The following RTF1 variants were observed in gnomAD, a reference collection of about 807,000 sequenced individuals.
The protein encoded by RTF1 is RTF1 homolog, Paf1/RNA polymerase II complex component, also known as RNA polymerase-associated protein RTF1 homolog.
RTF1 carries 10 observed loss-of-function variants against 95.7 expected under a neutral mutation model. The observed-to-expected ratio is 0.10, with a 90% CI of 0.06 to 0.18. The LOEUF (loss-of-function observed/expected upper bound fraction) is 0.18. Among genes scored for constraint, RTF1 ranks in the 10% least tolerant of loss-of-function variants. RTF1 has a pLI of 1.00. For synonymous variants in RTF1, 305 were observed against 311.8 expected, an observed-to-expected ratio of 0.98 and a Z score of 0.23; for missense variants, 458 against 875.6, an observed-to-expected ratio of 0.52 and a Z score of 6.02.
intron 3 of RTF1, among the ~76,000 whole-genome samples, chr15:41,453,572 T>A (rs762049522): frequency 2.6e-5 from 4 of 151,784 alleles, no homozygotes; most frequent in African/African-American, 9.7e-5. Flanking sequence ...CAAAAAAATT[T>A]AAAAATTAGC....
chr15:41,431,120 G>A (rs967328398), intron 1 of RTF1, among the ~76,000 whole-genome samples: 2 of 151,128 alleles, frequency 1.3e-5, no homozygotes, highest in East Asian at 1.9e-4. Context: ...TGGCCAGGCT[G>A]GTCTTGAACT....
intron 1 of RTF1, among the ~76,000 whole-genome samples, chr15:41,423,379 C>T (rs1400376789): frequency 1.3e-5 from 2 of 151,140 alleles, no homozygotes; most frequent in South Asian, 2.1e-4. Context: ...CCTCCCCACC[C>T]AGCCCCCACC....
chr15:41,419,768 C>G (rs936677059), intron 1 of RTF1, among the ~76,000 whole-genome samples: 1 of 152,156 alleles, frequency 6.6e-6, no homozygotes, highest in Non-Finnish European at 1.5e-5. Context: ...GATATTTCAC[C>G]TGATCCACAA....
intron 14 of RTF1, 28 bp from the exon 15 acceptor site, chr15:41,478,520 G>A: frequency 4.4e-6 from 7 of 1,597,112 alleles, no homozygotes; most frequent in Non-Finnish European, 6.0e-6. Flanking sequence ...TGGAGGTGCA[G>A]TTCTGTGGTG....
chr15:41,447,633 T>C (rs900370403), intron 2 of RTF1, among the ~76,000 whole-genome samples: 2 of 152,346 alleles, frequency 1.3e-5, no homozygotes, highest in East Asian at 3.9e-4. Context: ...TCTGTGGGGT[T>C]GCATACATGT....
rs1488468001 is a variant in RTF1 at position 41,453,031 on chromosome 15, G to C, written c.440G>C (p.Ser147Thr). 2.5e-6 allele frequency: 4 copies of C among 1,599,260 alleles called. No individual in the cohort carries two copies. Among genetic ancestry groups the C allele is most frequent in the Non-Finnish European group, 3.4e-6 (4 of 1,176,030 alleles). ...GSSDKDSSAE[S>T]SAPEEGEVSD... The stretch of plus-strand genomic sequence containing the variant: ...TCAGACAAAGACAGTTCAGCTGAGA[G>C]CTCAGCCCCTGAGGAAGGTGAGCTG... The change falls in exon 3 of 18, where the codon AGC becomes ACC. Residue 147 changes from serine to threonine, a missense_variant. Ser to Thr is a moderately conservative substitution (Grantham distance 58, BLOSUM62 1). Around this residue, in one of 11 missense-constraint regions of RTF1, gnomAD observed 39 missense variants for 38.4 expected, o/e 1.02. Coordinates refer to ENST00000389629, the MANE Select transcript of RTF1 (RefSeq NM_015138.5).
chr15:41,481,667 C>G lies in RTF1; in HGVS notation c.*980C>G, dbSNP rs748711626. 1 of 152,598 alleles carries G rather than the reference C, an allele frequency of 6.6e-6. No individual in the cohort carries two copies. Among genetic ancestry groups the G allele is most frequent in the Admixed American group, 6.5e-5 (1 of 15,292 alleles). The allele number at this position is 152,598 out of a possible 1,614,324, so 9.5% of individuals were successfully genotyped here. A position where few individuals can be genotyped will look rare whatever the true frequency, so the allele number is the denominator to read the frequency against. On this transcript the variant is annotated 3_prime_UTR_variant, in exon 18 of 18. Coordinates refer to ENST00000389629, the MANE Select transcript of RTF1 (RefSeq NM_015138.5). The stretch of plus-strand genomic sequence containing the variant: ...AGCTTCTTGGCTGAACGTAGAACTT[C>G]TTTTTCTCACCCAGTATACCAGCCT...
intron 11 of RTF1, 86 bp from the exon 12 acceptor site, chr15:41,476,360 T>C (rs2050941867): frequency 9.9e-7 from 1 of 1,013,180 alleles, no homozygotes; most frequent in Non-Finnish European, 1.6e-6. Flanking sequence ...TGTAACTAGC[T>C]GTTTGCATCC....
At chr15:41,450,234 T>A (rs1227096813) in intron 2 of RTF1, among the ~76,000 whole-genome samples, 1 of 151,904 alleles carries the variant, frequency 6.6e-6, no homozygotes, top group African/African-American at 2.4e-5. Context: ...ACAAAGTAAA[T>A]ATACAAGTAG....
In RTF1 at chr15:41,483,103, C is replaced by G. The variant is rs1244912605; in HGVS notation, c.*2416C>G. Reference sequence around the variant, plus strand: ...GAAGACCGAAGGGTATCTTTCCACCCGAGTAGCCTCTGTAGTGATTGGGAC... The same window carrying G: ...GAAGACCGAAGGGTATCTTTCCACCGGAGTAGCCTCTGTAGTGATTGGGAC... On this transcript the variant is annotated 3_prime_UTR_variant, in exon 18 of 18. Coordinates refer to ENST00000389629, the MANE Select transcript of RTF1 (RefSeq NM_015138.5). 6.6e-6 allele frequency: 1 copy of G among 152,664 alleles called. No homozygotes were observed. The highest frequency in any genetic ancestry group is 2.4e-5 in the African/African-American group (1 of 41,440). 9.5% of individuals were successfully genotyped at this position (152,664 alleles called of 1,614,324 possible).
At chr15:41,420,526 A>C (rs1247083727) in intron 1 of RTF1, among the ~76,000 whole-genome samples, 4 of 152,088 alleles carry the variant, frequency 2.6e-5, no homozygotes, top group African/African-American at 9.7e-5. Context: ...TGGGGGTATA[A>C]CATTAGACTT....
chr15:41,456,428 G>A lies in RTF1; in HGVS notation c.458-1244G>A, dbSNP rs569856966. On this transcript the variant is annotated intron_variant, in intron 3 of 17. Coordinates refer to ENST00000389629, the MANE Select transcript of RTF1 (RefSeq NM_015138.5). ...GGCATGAACCCGAGAGGCGGAGCTT[G>A]CGCTGAGTCGAGATCGTGCCACTGC... is the stretch of plus-strand genomic sequence containing the variant. Among the ~76,000 whole-genome samples, 15 of 151,596 alleles carry A rather than the reference G, an allele frequency of 9.9e-5. No individual in the cohort carries two copies. In the East Asian group the frequency reaches 2.9e-3, roughly 30 times the overall value.
chr15:41,448,092 C>G (rs1025017128), intron 2 of RTF1, among the ~76,000 whole-genome samples: 4 of 152,078 alleles, frequency 2.6e-5, no homozygotes, highest in African/African-American at 9.7e-5. Context: ...TAAGATATTT[C>G]CATATCAATT....
At chr15:41,466,062 C>T in intron 5 of RTF1, 79 bp from the exon 6 acceptor site, 2 of 927,742 alleles carry the variant, frequency 2.2e-6, no homozygotes, top group South Asian at 3.9e-5. Flanking sequence ...TGTTGGAGGA[C>T]TAAATGCATT....
chr15:41,471,348 G>A lies in RTF1; in HGVS notation c.1202G>A (p.Arg401Gln), dbSNP rs772913737. The A allele has an allele frequency of 1.2e-6, 2 of 1,606,902 alleles. No homozygotes were observed. The highest frequency in any genetic ancestry group is 8.5e-7 in the Non-Finnish European group (1 of 1,177,054). The change falls in exon 8 of 18, where the codon CGG becomes CAG. Residue 401 changes from arginine to glutamine, a missense_variant and splice_region_variant. Physicochemically the swap from Arg to Gln is conservative, Grantham distance 43. Transcript: ENST00000389629. ...IGNHNSKPVYRVAEITGVVET... is the reference protein window; with the variant it reads ...IGNHNSKPVYQVAEITGVVET... ...AACCACAACAGCAAACCAGTTTACC[G>A]GGTTGGTATTTCTTCCCTTGGACAA...
intron 2 of RTF1, among the ~76,000 whole-genome samples, chr15:41,441,010 C>CA (rs2050731605): frequency 8.1e-6 from 1 of 123,088 alleles, no homozygotes; most frequent in East Asian, 2.4e-4. Flanking sequence ...CTCACTCTGT[C>CA]ACCCAGGCTG....
rs543900730 is a variant in RTF1, at chr15:41,469,515, C to T, written c.890-742C>T. On this transcript the variant is annotated intron_variant, in intron 6 of 17. Coordinates refer to ENST00000389629, the MANE Select transcript of RTF1 (RefSeq NM_015138.5). ...GGGATTACAGGCATGAGTCACCATG[C>T]CTGGCCACGTTCCTTTTTTTTTTTT... Among the ~76,000 whole-genome samples the T allele has an allele frequency of 1.4e-3, 208 of 151,466 alleles. 1 individual carries two copies. The highest frequency in any genetic ancestry group is 5.0e-3 in the African/African-American group (205 of 41,312).
Position 41,438,419 on chromosome 15 carries a change from C to T in RTF1, c.297C>T (p.Asp99=). The T allele has an allele frequency of 6.5e-7, 1 of 1,550,210 alleles. No individual in the cohort carries two copies. The highest frequency in any genetic ancestry group is 2.4e-5 in the East Asian group (1 of 40,896). The change falls in exon 2 of 18, where the codon GAC becomes GAT. Residue 99 remains aspartate (D), a synonymous_variant. Coordinates refer to ENST00000389629, the MANE Select transcript of RTF1 (RefSeq NM_015138.5). ...CCTCGTCAGACTCGGAGACGTCTGA[C>T]AGTGACGATGAGGTGGGTGTGGAGG... The part of the protein sequence containing the change: ...PAASSDSETS[D]SDDEWTFGSN...
At chr15:41,431,094 C>CG (rs1359927880) in intron 1 of RTF1, among the ~76,000 whole-genome samples, 1 of 150,310 alleles carries the variant, frequency 6.7e-6, no homozygotes, top group African/African-American at 2.5e-5. Context: ...TTAGTAGAGA[C>CG]GGGGTTTCAT....
Sources: gnomAD v4.1 joint callset for allele counts (sites outside exome capture counted in the v4.1 genomes callset) on GRCh38, gnomAD v4.1.1 for gene constraint, gnomAD v4.1.1 regional missense constraint, MANE v1.5 for transcripts, NCBI Gene and HGNC (gene_info 2026-07-23, HGNC 2026-07-21) for gene names.